Variants in PPM1K observed in about 807,000 individuals in gnomAD.
PPM1K encodes the protein protein phosphatase, Mg2+/Mn2+ dependent 1K.
In PPM1K, 19 loss-of-function variants were observed where a neutral mutation model predicts 32.6. That is an observed-to-expected ratio of 0.58 (90% CI 0.41 to 0.86). The LOEUF (loss-of-function observed/expected upper bound fraction) is 0.86. PPM1K is among the 40% of genes least tolerant of loss of function. The pLI, the probability that PPM1K is intolerant of heterozygous loss-of-function variation, is 0.00. For missense variants in PPM1K, 362 were observed against 461.2 expected, an observed-to-expected ratio of 0.78 and a Z score of 1.97; for synonymous variants, 159 against 165.3, an observed-to-expected ratio of 0.96 and a Z score of 0.29.
chr4:88,276,372 G>A (rs978010386), intron 3 of PPM1K: 4 of 985,192 alleles, frequency 4.1e-6, no homozygotes, highest in Non-Finnish European at 4.8e-6. Context: ...ACATTCATTT[G>A]GCTGGTACAG....
chr4:88,267,334 T>C (rs1731375782), intron 5 of PPM1K, among the ~76,000 whole-genome samples: 1 of 144,736 alleles, frequency 6.9e-6, no homozygotes, highest in African/African-American at 2.6e-5. Context: ...GTGCAGGTGA[T>C]GCTGGCTGAT....
chr4:88,264,575 G>C (rs1731236412), intron 6 of PPM1K, among the ~76,000 whole-genome samples: 1 of 152,200 alleles, frequency 6.6e-6, no homozygotes, highest in Non-Finnish European at 1.5e-5. Context: ...ATGACCTTCA[G>C]TGATTAACTC....
In PPM1K at chr4:88,278,044, C is replaced by G; in HGVS notation, c.440+100G>C. 3 of 936,592 alleles carry G rather than the reference C, an allele frequency of 3.2e-6. No homozygotes were observed. The highest frequency in any genetic ancestry group is 3.2e-6 in the Non-Finnish European group (2 of 620,648). 58.0% of individuals were successfully genotyped at this position (936,592 alleles called of 1,614,324 possible). ...CGTGAAGCAGCAGCATGCAACCACT[C>G]AAGTAACTATGTTTACGCTGGAAGC... is the stretch of plus-strand genomic sequence containing the variant. On this transcript the variant is annotated intron_variant, in intron 2 of 6. Transcript: ENST00000608933. This position sits in a 1 kb window ranked among gnomAD's most constrained non-coding sequence, Gnocchi z 4.2.
Position 88,257,935 on chromosome 4 carries a change from T to C in PPM1K, c.*4660A>G, listed in dbSNP as rs1484014320. ...TCCATGATTTCACAGCCTAGAACAC[T>C]AAGTATGACCACCAACGCACCATTT... On this transcript the variant is annotated 3_prime_UTR_variant, in exon 7 of 7. Coordinates refer to ENST00000608933, the MANE Select transcript of PPM1K (RefSeq NM_152542.5). 6.6e-6 allele frequency: 1 copy of C among 152,186 alleles called. No homozygotes were observed. Among genetic ancestry groups the C allele is most frequent in the East Asian group, 1.9e-4 (1 of 5,188 alleles). The allele number at this position is 152,186 out of a possible 1,614,324, so 9.4% of individuals were successfully genotyped here. A position where few individuals can be genotyped will look rare whatever the true frequency, so the allele number is the denominator to read the frequency against.
chr4:88,267,165 A>G (rs1731362377), intron 5 of PPM1K, among the ~76,000 whole-genome samples: 1 of 139,008 alleles, frequency 7.2e-6, no homozygotes, highest in African/African-American at 2.8e-5. Context: ...GGTGCAGATG[A>G]TGCTGGCTGA....
At chr4:88,264,595 T>A (rs972744129) in intron 6 of PPM1K, among the ~76,000 whole-genome samples, 3 of 152,234 alleles carry the variant, frequency 2.0e-5, no homozygotes, top group Admixed American at 6.5e-5. Context: ...CTGTAGCCTC[T>A]GTACCTGTTT....
chr4:88,268,323 C>T lies in PPM1K; in HGVS notation c.719G>A (p.Cys240Tyr). The T allele has an allele frequency of 6.2e-7, 1 of 1,614,162 alleles. No individual in the cohort carries two copies. Among genetic ancestry groups the T allele is most frequent in the Non-Finnish European group, 8.5e-7 (1 of 1,180,028 alleles). Reference protein sequence around the residue: ...RKDEKERIKKCGGFVAWNSLG... With the variant: ...RKDEKERIKKYGGFVAWNSLG... ...ACTATTCCAAGCTACAAAACCACCA[C>T]ATTTCTTGATCCTGTTAAAAGTTAA... Residue 240 changes from cysteine to tyrosine, a missense_variant, in exon 5 of 7, where the codon TGT (cysteine) becomes TAT (tyrosine). By Grantham distance (194) the Cys-to-Tyr change is radical. Coordinates refer to ENST00000608933, the MANE Select transcript of PPM1K (RefSeq NM_152542.5).
intron 3 of PPM1K, chr4:88,276,861 T>A (rs1731785630): frequency 9.9e-7 from 1 of 1,014,596 alleles, no homozygotes; most frequent in South Asian, 4.2e-5. Context: ...TAAACATTTT[T>A]AAAATCTTTT....
chr4:88,264,935 C>A, intron 6 of PPM1K, 66 bp downstream of exon 6: 2 of 1,510,550 alleles, frequency 1.3e-6, no homozygotes, highest in South Asian at 1.3e-5. Context: ...AAAGCTAAAA[C>A]ACAATGCCTG....
At chr4:88,282,122 A>C (rs1732038261) in intron 1 of PPM1K, among the ~76,000 whole-genome samples, 1 of 152,232 alleles carries the variant, frequency 6.6e-6, no homozygotes, top group Non-Finnish European at 1.5e-5. Flanking sequence ...CTTTTTAAGT[A>C]AGCAGGGGAG....
chr4:88,263,321 G>A (rs1731194874), intron 6 of PPM1K, among the ~76,000 whole-genome samples: 1 of 152,098 alleles, frequency 6.6e-6, no homozygotes, highest in Non-Finnish European at 1.5e-5. Context: ...AAAAAATATG[G>A]TAAGAATTTG....
intron 1 of PPM1K, chr4:88,284,045 A>T (rs1732132424): frequency 6.6e-6 from 1 of 152,150 alleles, no homozygotes; most frequent in Admixed American, 6.5e-5. Context: ...AAGGGTCTCC[A>T]GTCCCAGCCC....
Position 88,268,687 on chromosome 4 carries a change from GAACTAAA to G in PPM1K, c.707+47_707+53del. ...ATGACATCAGTTTAAAAACTATTATGAACTAAAAACATCATCCACATAGAATGATATG... is the reference window on the plus strand; with the variant it reads ...ATGACATCAGTTTAAAAACTATTATGAACATCATCCACATAGAATGATATG... On this transcript the variant is annotated intron_variant, in intron 4 of 6. Coordinates refer to ENST00000608933, the MANE Select transcript of PPM1K (RefSeq NM_152542.5). The G allele has an allele frequency of 4.6e-6, 7 of 1,525,100 alleles. No homozygotes were observed. The Middle Eastern group carries it at 8.6e-4, about 188-fold the overall frequency. 94.5% of individuals were successfully genotyped at this position (1,525,100 alleles called of 1,614,324 possible). A position where few individuals can be genotyped will look rare whatever the true frequency, so the allele number is the denominator to read the frequency against.
chr4:88,265,174 C>T (rs1470036379), intron 5 of PPM1K, 39 bp from the exon 6 acceptor site: 6 of 1,612,184 alleles, frequency 3.7e-6, no homozygotes, highest in East Asian at 2.2e-5. Context: ...ATAAGCTAGA[C>T]TCTGCCTTAG....
intron 3 of PPM1K, chr4:88,276,721 T>C: frequency 1.1e-6 from 1 of 871,062 alleles, no homozygotes; most frequent in South Asian, 4.9e-5. Flanking sequence ...ACAATGACTG[T>C]CCTCGCTAGA....
chr4:88,278,200 T>A lies in PPM1K; in HGVS notation c.384A>T (p.Gly128=), dbSNP rs1484008996. Residue 128 remains glycine (G), a synonymous_variant, in exon 2 of 7, where the codon GGA becomes GGT. Transcript: ENST00000608933. This position sits in a 1 kb window ranked among gnomAD's most constrained non-coding sequence, Gnocchi z 4.2. ...AATCAGCTGCTGCAGGTCCACCGTG[T>A]CCATCATACACTGCAAAGTACAGGA... ...DEVLYFAVYD[G]HGGPAAADFC... The A allele has an allele frequency of 6.2e-7, 1 of 1,614,202 alleles. No individual in the cohort carries two copies. Among genetic ancestry groups the A allele is most frequent in the South Asian group, 1.1e-5 (1 of 91,076 alleles).
At chr4:88,282,751 T>C (rs1732065534) in intron 1 of PPM1K, among the ~76,000 whole-genome samples, 1 of 152,360 alleles carries the variant, frequency 6.6e-6, no homozygotes. Context: ...GTGTGAAATG[T>C]GAGCAGTGAA....
chr4:88,277,494 C>T, intron 2 of PPM1K: 1 of 393,728 alleles, frequency 2.5e-6, no homozygotes, highest in South Asian at 4.1e-5. Flanking sequence ...CTACCACAAC[C>T]CTGAGAGGTC....
At position 88,278,019 on chromosome 4, in the gene PPM1K, C is replaced by T. The variant is rs1372435185; in HGVS notation, c.440+125G>A. 14 of 720,902 alleles carry T rather than the reference C, an allele frequency of 1.9e-5. No individual in the cohort carries two copies. The highest frequency in any genetic ancestry group is 3.9e-4 in the Middle Eastern group (1 of 2,556). 44.7% of individuals were successfully genotyped at this position (720,902 alleles called of 1,614,324 possible). Reference sequence around the variant, plus strand: ...TGGCACACTTAAACTACTGCTCATTCGTGAAGCAGCAGCATGCAACCACTC... The same window carrying T: ...TGGCACACTTAAACTACTGCTCATTTGTGAAGCAGCAGCATGCAACCACTC... On this transcript the variant is annotated intron_variant, in intron 2 of 6. Transcript: ENST00000608933. The surrounding 1 kb of genome is among the most constrained non-coding windows in gnomAD (Gnocchi z 4.2).
Sources: gnomAD v4.1 joint callset for allele counts (sites outside exome capture counted in the v4.1 genomes callset) on GRCh38, gnomAD v4.1.1 for gene constraint, Gnocchi (gnomAD v3.1) non-coding constraint, MANE v1.5 for transcripts, NCBI Gene and HGNC (gene_info 2026-07-23, HGNC 2026-07-21) for gene names.